DNAJB14: variants seen among roughly 807,000 people sequenced by gnomAD.
The protein encoded by DNAJB14 is DnaJ heat shock protein family (Hsp40) member B14.
A neutral mutation model predicts 48.4 loss-of-function variants in DNAJB14; 22 were observed. The ratio of observed to expected loss-of-function variants is 0.45; its 90% CI spans 0.32 to 0.65. The LOEUF (loss-of-function observed/expected upper bound fraction) is 0.65. DNAJB14 is among the 30% of genes least tolerant of loss of function. DNAJB14 has a pLI of 0.03. For synonymous variants in DNAJB14, 142 were observed against 158.7 expected, an observed-to-expected ratio of 0.89 and a Z score of 0.79; for missense variants, 319 against 458.8, an observed-to-expected ratio of 0.70 and a Z score of 2.78.
chr4:99,940,942 T>C (rs909984503), intron 1 of DNAJB14, among the ~76,000 whole-genome samples: 3 of 150,926 alleles, frequency 2.0e-5, no homozygotes, highest in Admixed American at 6.6e-5. Flanking sequence ...AATCCCTATA[T>C]ATATATATAT....
intron 4 of DNAJB14, among the ~76,000 whole-genome samples, chr4:99,908,306 T>A (rs916501850): frequency 6.6e-6 from 1 of 152,100 alleles, no homozygotes; most frequent in African/African-American, 2.4e-5. Flanking sequence ...ATATCCAAAT[T>A]AGCCAACTAT....
chr4:99,910,573 A>C (rs1725622976), intron 3 of DNAJB14, among the ~76,000 whole-genome samples: 1 of 151,948 alleles, frequency 6.6e-6, no homozygotes, highest in Admixed American at 6.6e-5. Context: ...TTTTAGAAAA[A>C]ATAATTTCTA....
At chr4:99,931,134 A>G (rs1416138127) in intron 1 of DNAJB14, among the ~76,000 whole-genome samples, 1 of 152,208 alleles carries the variant, frequency 6.6e-6, no homozygotes, top group African/African-American at 2.4e-5. Flanking sequence ...TTTATCACTA[A>G]AAGATTTTCA....
chr4:99,914,911 C>G (rs1725796027), intron 3 of DNAJB14, among the ~76,000 whole-genome samples: 1 of 152,004 alleles, frequency 6.6e-6, no homozygotes, highest in African/African-American at 2.4e-5. Flanking sequence ...TTTCTGTCTT[C>G]TTTTTTTGGT....
chr4:99,940,803 T>C (rs1726864036), intron 1 of DNAJB14, among the ~76,000 whole-genome samples: 1 of 152,018 alleles, frequency 6.6e-6, no homozygotes, highest in African/African-American at 2.4e-5. Context: ...ATTAGAGATA[T>C]CACCTTATAG....
chr4:99,901,293 G>T, intron 7 of DNAJB14, 141 bp from the exon 8 acceptor site: 1 of 780,020 alleles, frequency 1.3e-6, no homozygotes. Context: ...ATTCCTAAAA[G>T]CCATTTTAGT....
At chr4:99,901,178 TA>T (rs769137506) in intron 7 of DNAJB14, 26 bp from the exon 8 acceptor site, 8 of 1,563,164 alleles carry the variant, frequency 5.1e-6, no homozygotes, top group Non-Finnish European at 6.9e-6. Context: ...AATATTTTGC[TA>T]ATTGAATAAA....
At chr4:99,935,868 G>A (rs1255637023) in intron 1 of DNAJB14, among the ~76,000 whole-genome samples, 1 of 152,112 alleles carries the variant, frequency 6.6e-6, no homozygotes, top group Non-Finnish European at 1.5e-5. Flanking sequence ...AAGAATTTGA[G>A]ACCAGCCTGG....
In DNAJB14 at chr4:99,923,095, A is replaced by T; in HGVS notation, c.396T>A (p.Ala132=). ...EDLKKAYRKL[A]LKFHPDKNHA... The stretch of plus-strand genomic sequence containing the variant: ...GGTTTTTGTCTGGATGAAACTTCAA[A>T]GCAAGCTTTCTATAAGCTTTTTTCA... The change falls in exon 3 of 8, where the codon GCT becomes GCA. Residue 132 remains alanine (A), a synonymous_variant. Transcript: ENST00000442697. 4 of 1,612,258 alleles carry T rather than the reference A, an allele frequency of 2.5e-6. No homozygotes were observed. The highest frequency in any genetic ancestry group is 3.4e-6 in the Non-Finnish European group (4 of 1,179,302).
chr4:99,916,540 G>A (rs1578221176), intron 3 of DNAJB14, among the ~76,000 whole-genome samples: 4 of 152,270 alleles, frequency 2.6e-5, no homozygotes, highest in African/African-American at 9.6e-5. Flanking sequence ...GTTTAAGCCT[G>A]CCATTTTATT....
At chr4:99,923,651 C>T in intron 2 of DNAJB14, 1 of 985,104 alleles carries the variant, frequency 1.0e-6, no homozygotes, top group South Asian at 4.7e-5. Flanking sequence ...ATCAAAGCAA[C>T]AGTTTAGTAC....
chr4:99,905,779 A>G (rs1725442640), intron 5 of DNAJB14, 73 bp from the exon 6 acceptor site: 1 of 1,490,116 alleles, frequency 6.7e-7, no homozygotes, highest in East Asian at 2.3e-5. Context: ...GTTGTCATAC[A>G]TTTTGAGGCA....
intron 1 of DNAJB14, among the ~76,000 whole-genome samples, chr4:99,943,422 T>C (rs956680615): frequency 6.6e-6 from 1 of 152,226 alleles, no homozygotes; most frequent in African/African-American, 2.4e-5. Flanking sequence ...AGGAGATTTA[T>C]TCAAATTGTT....
chr4:99,908,913 T>TA lies in DNAJB14; in HGVS notation c.452-18dup. ...TTCCAATCTCTGAAAAAGTAATGAG[T>TA]AAAAGTTGGTAAGCAAAGTTTTTAT... On this transcript the variant is annotated splice_polypyrimidine_tract_variant and intron_variant, in intron 3 of 7. Transcript: ENST00000442697. 1 of 1,500,362 alleles carries TA rather than the reference T, an allele frequency of 6.7e-7. No homozygotes were observed. The highest frequency in any genetic ancestry group is 8.9e-7 in the Non-Finnish European group (1 of 1,126,744). 92.9% of individuals were successfully genotyped at this position (1,500,362 alleles called of 1,614,324 possible).
chr4:99,928,822 TC>T (rs1411357533), intron 2 of DNAJB14: 1 of 154,816 alleles, frequency 6.5e-6, no homozygotes, highest in Non-Finnish European at 1.4e-5. Context: ...ATAAATTAAA[TC>T]CTATAAGCAA....
chr4:99,904,728 T>C (rs1288743126), intron 6 of DNAJB14, among the ~76,000 whole-genome samples: 1 of 152,096 alleles, frequency 6.6e-6, no homozygotes, highest in Admixed American at 6.6e-5. Flanking sequence ...CATTTTTAAA[T>C]ATACTATGCT....
At chr4:99,924,528 T>G (rs1345526316) in intron 2 of DNAJB14, 5 of 406,114 alleles carry the variant, frequency 1.2e-5, no homozygotes, top group African/African-American at 4.2e-5. Context: ...TTTAGATACT[T>G]AAAAACATTA....
At chr4:99,916,686 C>T (rs554639519) in intron 3 of DNAJB14, among the ~76,000 whole-genome samples, 12 of 151,948 alleles carry the variant, frequency 7.9e-5, no homozygotes, top group East Asian at 3.9e-4. Context: ...AACTTTTTAG[C>T]GGTTGCTCTA....
In DNAJB14 at chr4:99,897,363, T is replaced by A. The variant is rs761231255; in HGVS notation, c.*3665A>T. 6.6e-6 allele frequency: 1 copy of A among 151,808 alleles called. No homozygotes were observed. Among genetic ancestry groups the A allele is most frequent in the Non-Finnish European group, 1.5e-5 (1 of 67,858 alleles). 9.4% of individuals were successfully genotyped at this position (151,808 alleles called of 1,614,324 possible). On this transcript the variant is annotated 3_prime_UTR_variant, in exon 8 of 8. Transcript: ENST00000442697. ...ATATACAAAAAATATGGTGCTATAA[T>A]CCTTAATATAAGGAGTATGTTTTGA...
Sources: allele counts gnomAD v4.1 joint callset (sites outside exome capture counted in the v4.1 genomes callset), GRCh38; gene constraint gnomAD v4.1.1; transcripts MANE v1.5; gene names NCBI Gene and HGNC (gene_info 2026-07-23, HGNC 2026-07-21).